TUBGCP2: variants seen among roughly 807,000 people sequenced by gnomAD.
TUBGCP2 encodes the protein gamma-tubulin complex component 2.
TUBGCP2 carries 55 observed loss-of-function variants against 92.2 expected under a neutral mutation model. The observed-to-expected ratio is 0.60, with a 90% CI of 0.48 to 0.75. The LOEUF (loss-of-function observed/expected upper bound fraction) is 0.75. Among genes scored for constraint, TUBGCP2 ranks in the 30% least tolerant of loss-of-function variants. The pLI is 0.00. For missense variants in TUBGCP2, 1,093 were observed against 1,188.9 expected, an observed-to-expected ratio of 0.92 and a Z score of 1.19; for synonymous variants, 533 against 505.2, an observed-to-expected ratio of 1.06 and a Z score of -0.74.
chr10:133,291,240 TCCGTGTCCC>T (rs1234841950), intron 8 of TUBGCP2, among the ~76,000 whole-genome samples: 10 of 115,080 alleles, frequency 8.7e-5, no homozygotes, highest in African/African-American at 4.1e-4. Flanking sequence ...GCACGCGCCC[TCCGTGTCCC>T]CCATGTCCCT....
At chr10:133,294,678 C>T (rs1023597788) in intron 5 of TUBGCP2, among the ~76,000 whole-genome samples, 1 of 151,830 alleles carries the variant, frequency 6.6e-6, no homozygotes, top group African/African-American at 2.4e-5. Context: ...GGCAGTGGTG[C>T]AATCTCAGCT....
At chr10:133,303,400 G>T (rs1316400131) in intron 1 of TUBGCP2, among the ~76,000 whole-genome samples, 1 of 152,214 alleles carries the variant, frequency 6.6e-6, no homozygotes, top group Non-Finnish European at 1.5e-5. Context: ...CAGCCCCGTG[G>T]GCAGCATGAA....
chr10:133,284,162 G>A (rs565585044), intron 13 of TUBGCP2, among the ~76,000 whole-genome samples, 160 bp from the exon 14 acceptor site: 3 of 152,220 alleles, frequency 2.0e-5, no homozygotes, highest in African/African-American at 4.8e-5. Context: ...AGACACTCAC[G>A]GCCGCTGCTC....
upstream of TUBGCP2, chr10:133,309,920 C>T: frequency 6.2e-7 from 1 of 1,613,618 alleles, no homozygotes; most frequent in South Asian, 1.1e-5. Context: ...TGCTGGACGC[C>T]CACATCCTGG....
chr10:133,289,075 A>G, intron 9 of TUBGCP2, 55 bp from the exon 10 acceptor site: 1 of 1,570,214 alleles, frequency 6.4e-7, no homozygotes, highest in Non-Finnish European at 8.7e-7. Flanking sequence ...CTCAGGCCCC[A>G]GCTGTCTTTG....
chr10:133,309,290 C>G (rs1243615213), upstream of TUBGCP2: 1 of 1,449,570 alleles, frequency 6.9e-7, no homozygotes, highest in African/African-American at 1.4e-5. Flanking sequence ...GGGGCGGGAC[C>G]GGAGCGCGGG....
intron 10 of TUBGCP2, 151 bp downstream of exon 10, chr10:133,288,689 G>GTCCT (rs1847196126): frequency 2.1e-6 from 2 of 954,976 alleles, no homozygotes; most frequent in South Asian, 3.5e-5. Context: ...TGAGTGCCAG[G>GTCCT]TCCTTGAGCT....
At chr10:133,299,765 G>A (rs545995623) in intron 3 of TUBGCP2, among the ~76,000 whole-genome samples, 162 bp from the exon 4 acceptor site, 3 of 152,148 alleles carry the variant, frequency 2.0e-5, no homozygotes, top group South Asian at 2.1e-4. Context: ...TGACACATGC[G>A]GGAAGCTCAA....
chr10:133,308,126 G>A (rs1488246814), intron 1 of TUBGCP2, among the ~76,000 whole-genome samples: 1 of 152,164 alleles, frequency 6.6e-6, no homozygotes, highest in African/African-American at 2.4e-5. Context: ...GCCTCTATCC[G>A]CCACTGGGCC....
chr10:133,311,552 T>C (rs1847988342), upstream of TUBGCP2: 1 of 608,558 alleles, frequency 1.6e-6, no homozygotes, highest in Non-Finnish European at 2.9e-6. Flanking sequence ...CATTCTCCTT[T>C]TCCCAGTATC....
intron 13 of TUBGCP2, among the ~76,000 whole-genome samples, chr10:133,284,613 A>G (rs1195772268): frequency 6.6e-6 from 1 of 151,970 alleles, no homozygotes; most frequent in Non-Finnish European, 1.5e-5. Flanking sequence ...CTCCCTCCTC[A>G]GCTTCCCAAA....
At chr10:133,291,009 G>T in intron 8 of TUBGCP2, 1 of 185,320 alleles carries the variant, frequency 5.4e-6, no homozygotes, top group Non-Finnish European at 1.1e-5. Flanking sequence ...ATATCGCACT[G>T]AAGAGAAGCC....
upstream of TUBGCP2, chr10:133,309,175 G>A (rs1334019956): frequency 7.3e-7 from 1 of 1,368,628 alleles, no homozygotes; most frequent in African/African-American, 1.5e-5. Context: ...GGAGCCTGGA[G>A]TGGGAGGGGC....
At position 133,288,251 on chromosome 10, in the gene TUBGCP2, G is replaced by C; in HGVS notation, c.1600C>G (p.Leu534Val). The change falls in exon 11 of 18, where the codon CTC becomes GTC. Residue 534 changes from leucine (L) to valine (V), a missense_variant. Physicochemically the swap from Leu to Val is conservative, Grantham distance 32 (BLOSUM62 1). Around this residue, in one of 3 missense-constraint regions of TUBGCP2, gnomAD observed 598 missense variants for 675.5 expected, o/e 0.89. Transcript: ENST00000252936. ...GGCTTCCGGAGCTCCTCCTCCGCGA[G>C]GTCCATGAAGTGCACGAAGAAGTCG... ...QGDFFVHFMDLAEEELRKPVE... is the reference protein window; with the variant it reads ...QGDFFVHFMDVAEEELRKPVE... The C allele has an allele frequency of 6.2e-7, 1 of 1,613,738 alleles. No homozygotes were observed. The highest frequency in any genetic ancestry group is 1.3e-5 in the African/African-American group (1 of 75,062).
upstream of TUBGCP2, chr10:133,310,033 G>C: frequency 6.2e-7 from 1 of 1,609,760 alleles, no homozygotes; most frequent in East Asian, 2.2e-5. Context: ...TGGGCTCAGA[G>C]TGCTGCCCCC....
Position 133,282,327 on chromosome 10 carries a change from T to C in TUBGCP2, c.2305A>G (p.Met769Val), listed in dbSNP as rs769647622. 22 of 1,603,112 alleles carry C rather than the reference T, an allele frequency of 1.4e-5. No homozygotes were observed. Among genetic ancestry groups the C allele is most frequent in the Admixed American group, 1.0e-4 (6 of 58,970 alleles). The change falls in exon 16 of 18, where the codon ATG becomes GTG. Residue 769 changes from methionine (M) to valine (V), a missense_variant. This residue lies in a region of TUBGCP2 where 598 missense variants were observed against 675.5 expected (regional missense o/e 0.89). Coordinates refer to ENST00000252936, the MANE Select transcript of TUBGCP2 (RefSeq NM_006659.4). ...CCGCCCAGCTCGCCATCTAATTTCA[T>C]GCTCTGTGTAAATTTCTAGGGGGGG... ...TNCMQKFTQS[M>V]KLDGELGGQT...
rs1013439597 is a variant in TUBGCP2 at position 133,293,102 on chromosome 10, G to C, written c.961C>G (p.Leu321Val). The change falls in exon 7 of 18, where the codon CTG becomes GTG. Residue 321 changes from leucine to valine, a missense_variant. By Grantham distance (32) the Leu-to-Val change is conservative (BLOSUM62 1). Around this residue, in one of 3 missense-constraint regions of TUBGCP2, gnomAD observed 490 missense variants for 488.5 expected, o/e 1.00. Transcript: ENST00000252936. ...TGGATGTAGAACCAGAGCTTCTGCA[G>C]CGAAAGGAGGCCCTGCCTGTGCAGC... ...EQLHRQGLLS[L>V]QKLWFYIQPA... 4 of 1,613,872 alleles carry C rather than the reference G, an allele frequency of 2.5e-6. No individual in the cohort carries two copies. Among genetic ancestry groups the C allele is most frequent in the Non-Finnish European group, 3.4e-6 (4 of 1,180,046 alleles).
chr10:133,287,066 C>T (rs774298093), intron 11 of TUBGCP2, among the ~76,000 whole-genome samples: 7 of 152,164 alleles, frequency 4.6e-5, no homozygotes, highest in Non-Finnish European at 8.8e-5. Flanking sequence ...CTAGCTACAT[C>T]AGCTAAGACG....
chr10:133,300,912 T>A (rs1207165450), intron 2 of TUBGCP2, among the ~76,000 whole-genome samples: 1 of 152,110 alleles, frequency 6.6e-6, no homozygotes, highest in East Asian at 1.9e-4. Context: ...AACTTGCATT[T>A]CCCCCCAGTA....
Sources: allele counts gnomAD v4.1 joint callset (sites outside exome capture counted in the v4.1 genomes callset), GRCh38; gene constraint gnomAD v4.1.1; regional missense constraint gnomAD v4.1.1; transcripts MANE v1.5; gene names NCBI Gene and HGNC (gene_info 2026-07-23, HGNC 2026-07-21).